Variants in ITFG1 observed in about 807,000 individuals in gnomAD.
ITFG1 encodes the protein T-cell immunomodulatory protein.
In ITFG1, 34 loss-of-function variants were observed where a neutral mutation model predicts 81.8. The ratio of observed to expected loss-of-function variants is 0.42; its 90% CI spans 0.32 to 0.55. The LOEUF (loss-of-function observed/expected upper bound fraction) is 0.55. ITFG1 is among the 20% of genes least tolerant of loss of function. The pLI is 0.17. For missense variants in ITFG1, 672 were observed against 755.4 expected (o/e 0.89, Z 1.29); for synonymous variants, 285 against 270.6 (o/e 1.05, Z -0.52).
At position 47,206,268 on chromosome 16, in the gene ITFG1, C is replaced by T. The variant is rs375105426; in HGVS notation, c.1453+12600G>A. Among the ~76,000 whole-genome samples the T allele has an allele frequency of 2.6e-5, 4 of 152,324 alleles. No individual in the cohort carries two copies. In the South Asian group the frequency reaches 8.3e-4, roughly 32 times the overall value. ...CCAAAGAACACATGATTACCTCCCC[C>T]ATCCCCATCTAAACTGCTCCTCACC... is the stretch of plus-strand genomic sequence containing the variant. On this transcript the variant is annotated intron_variant, in intron 14 of 17. Transcript: ENST00000320640.
chr16:47,376,964 C>CAAAAAAAAA lies in ITFG1; in HGVS notation c.656-1033_656-1025dup, dbSNP rs1222007051. Reference sequence around the variant, plus strand: ...GAGACAGAGGGAGACTCTGTCTCCCCAAAAAAAAAAAAAAAAAAAAAAAAA... The same window carrying CAAAAAAAAA: ...GAGACAGAGGGAGACTCTGTCTCCCCAAAAAAAAAAAAAAAAAAAAAAAAAAAAAAAAAA... On this transcript the variant is annotated intron_variant, in intron 6 of 17. Transcript: ENST00000320640. Among the ~76,000 whole-genome samples, 2 of 18,074 alleles carry CAAAAAAAAA rather than the reference C, an allele frequency of 1.1e-4. 1 individual carries two copies. The highest frequency in any genetic ancestry group is 2.5e-4 in the African/African-American group (2 of 8,054). 11.9% of individuals were successfully genotyped at this position (18,074 alleles called of 152,430 possible). A position where few individuals can be genotyped will look rare whatever the true frequency, so the allele number is the denominator to read the frequency against.
intron 6 of ITFG1, among the ~76,000 whole-genome samples, chr16:47,398,343 G>A (rs1348134138): frequency 1.3e-5 from 2 of 152,168 alleles, no homozygotes; most frequent in Non-Finnish European, 2.9e-5. Flanking sequence ...CTGAAAAAGT[G>A]AGCATAAACC....
chr16:47,251,758 T>G (rs1228310258), intron 12 of ITFG1, among the ~76,000 whole-genome samples: 1 of 152,198 alleles, frequency 6.6e-6, no homozygotes, highest in Admixed American at 6.5e-5. Flanking sequence ...AATTTACAAA[T>G]TAGGCATAGT....
At chr16:47,371,272 A>G (rs1968250302) in intron 7 of ITFG1, among the ~76,000 whole-genome samples, 1 of 152,226 alleles carries the variant, frequency 6.6e-6, no homozygotes, top group Non-Finnish European at 1.5e-5. Context: ...TTGACTTATT[A>G]AAAAATGTAT....
intron 14 of ITFG1, among the ~76,000 whole-genome samples, chr16:47,198,613 C>T (rs928571882): frequency 4.6e-5 from 7 of 152,076 alleles, no homozygotes; most frequent in Admixed American, 1.3e-4. Flanking sequence ...TCAGGTAGGC[C>T]GTTCAGTAGG....
intron 10 of ITFG1, among the ~76,000 whole-genome samples, chr16:47,287,118 G>A (rs1966872543): frequency 6.6e-6 from 1 of 152,172 alleles, no homozygotes; most frequent in Admixed American, 6.5e-5. Context: ...AGGACACTTG[G>A]TTAAGAAATG....
At chr16:47,316,897 C>G (rs1031332887) in intron 8 of ITFG1, among the ~76,000 whole-genome samples, 1 of 152,172 alleles carries the variant, frequency 6.6e-6, no homozygotes, top group East Asian at 1.9e-4. Context: ...GATGGAGATG[C>G]TAGCCTGTGA....
intron 13 of ITFG1, among the ~76,000 whole-genome samples, chr16:47,236,474 CAAA>C (rs68028486): frequency 5.7e-5 from 3 of 52,280 alleles, no homozygotes; most frequent in African/African-American, 1.3e-4. Context: ...GACTCCATCT[CAAA>C]AAAAAAAAAA....
At chr16:47,219,034 C>A in intron 13 of ITFG1, 88 bp from the exon 14 acceptor site, 1 of 787,364 alleles carries the variant, frequency 1.3e-6, no homozygotes, top group South Asian at 2.1e-5. Flanking sequence ...GCAAAAAATT[C>A]TTACACAGAT....
At chr16:47,189,202 T>C (rs1965262858) in intron 14 of ITFG1, among the ~76,000 whole-genome samples, 1 of 152,246 alleles carries the variant, frequency 6.6e-6, no homozygotes, top group African/African-American at 2.4e-5. Flanking sequence ...GTTTCTTCTT[T>C]TGTGTTAAAT....
chr16:47,364,926 A>G (rs1410557157), intron 8 of ITFG1, among the ~76,000 whole-genome samples: 3 of 152,228 alleles, frequency 2.0e-5, no homozygotes, highest in Admixed American at 2.0e-4. Flanking sequence ...TCCTGAGCTC[A>G]AACAGTCCTA....
intron 13 of ITFG1, among the ~76,000 whole-genome samples, chr16:47,223,728 G>T (rs1965723085): frequency 6.6e-6 from 1 of 152,144 alleles, no homozygotes. Flanking sequence ...TATACCCAAA[G>T]GACTATAAAT....
intron 6 of ITFG1, among the ~76,000 whole-genome samples, chr16:47,395,425 AT>A (rs1292291682): frequency 1.3e-5 from 2 of 152,222 alleles, no homozygotes; most frequent in Non-Finnish European, 2.9e-5. Flanking sequence ...GTAAATTGTC[AT>A]TCTGATTAAA....
intron 8 of ITFG1, among the ~76,000 whole-genome samples, chr16:47,359,852 T>C (rs16956066): frequency 0.015 from 2,317 of 152,336 alleles, 56 homozygotes; most frequent in African/African-American, 0.053. Flanking sequence ...ATTATAGCCC[T>C]TTGTTTAATT....
intron 5 of ITFG1, among the ~76,000 whole-genome samples, chr16:47,431,918 C>A (rs1248683933): frequency 6.6e-6 from 1 of 152,080 alleles, no homozygotes; most frequent in Non-Finnish European, 1.5e-5. Context: ...GTGAGAATTC[C>A]CCCATTTACC....
intron 5 of ITFG1, among the ~76,000 whole-genome samples, chr16:47,442,556 T>C (rs1028879761): frequency 2.6e-5 from 4 of 152,114 alleles, no homozygotes; most frequent in African/African-American, 7.2e-5. Flanking sequence ...AACAGAAATA[T>C]AGACCAATGG....
chr16:47,429,967 C>T (rs1037781145), intron 5 of ITFG1, among the ~76,000 whole-genome samples: 4 of 150,784 alleles, frequency 2.7e-5, no homozygotes, highest in Admixed American at 1.3e-4. Flanking sequence ...CCTGTTGGTG[C>T]GTTTTAAGAG....
chr16:47,320,396 C>A (rs986724775), intron 8 of ITFG1, among the ~76,000 whole-genome samples: 8 of 152,122 alleles, frequency 5.3e-5, no homozygotes, highest in African/African-American at 1.4e-4. Context: ...GTTTCCCCCA[C>A]CCACACCCTG....
At chr16:47,337,835 T>C (rs1967727923) in intron 8 of ITFG1, among the ~76,000 whole-genome samples, 1 of 152,214 alleles carries the variant, frequency 6.6e-6, no homozygotes, top group South Asian at 2.1e-4. Context: ...GAGAAGACCC[T>C]GAGTTTTCAC....
Sources: gnomAD v4.1 joint callset for allele counts (sites outside exome capture counted in the v4.1 genomes callset) on GRCh38, gnomAD v4.1.1 for gene constraint, MANE v1.5 for transcripts, NCBI Gene and HGNC (gene_info 2026-07-23, HGNC 2026-07-21) for gene names.